NEMP2: variants seen among roughly 807,000 people sequenced by gnomAD.
NEMP2 encodes the protein nuclear envelope integral membrane protein 2.
In NEMP2, 53 loss-of-function variants were observed where a neutral mutation model predicts 54.2. The ratio of observed to expected loss-of-function variants is 0.98; its 90% CI spans 0.78 to 1.23. NEMP2 has a LOEUF of 1.23. NEMP2 is among the 50% of genes most tolerant of loss of function. NEMP2 has a pLI of 0.00. For synonymous variants in NEMP2, 197 were observed against 190.3 expected, an observed-to-expected ratio of 1.04 and a Z score of -0.29; for missense variants, 455 against 511.3, an observed-to-expected ratio of 0.89 and a Z score of 1.06.
chr2:190,478,632 T>C, the NEMP2 span, among the ~76,000 whole-genome samples: 2 of 152,156 alleles, frequency 1.3e-5, no homozygotes, highest in African/African-American at 2.4e-5. Flanking sequence ...AATGATTTCA[T>C]TGGAGGACAA....
At chr2:190,638,662 G>A in the NEMP2 span, among the ~76,000 whole-genome samples, 8 of 152,216 alleles carry the variant, frequency 5.3e-5, no homozygotes, top group South Asian at 6.2e-4. This position sits in a 1 kb window ranked among gnomAD's most constrained non-coding sequence, Gnocchi z 5.7. Context: ...GTATGGGTCT[G>A]AAAGACAGCC....
At chr2:190,468,119 G>A in the NEMP2 span, among the ~76,000 whole-genome samples, 12 of 151,812 alleles carry the variant, frequency 7.9e-5, no homozygotes, top group African/African-American at 2.7e-4. Context: ...TTTTTCCCTA[G>A]CAGAGGGAAA....
the NEMP2 span, among the ~76,000 whole-genome samples, chr2:190,448,693 C>T: frequency 6.6e-6 from 1 of 152,170 alleles, no homozygotes; most frequent in Non-Finnish European, 1.5e-5. Context: ...TCTAAATTCA[C>T]AGTTGCCCTA....
chr2:190,510,231 C>A lies in NEMP2; in HGVS notation c.1130+130G>T, dbSNP rs575984821. On this transcript the variant is annotated intron_variant, in intron 8 of 8. Coordinates refer to ENST00000409150, the MANE Select transcript of NEMP2 (RefSeq NM_001142645.2). This position sits in a 1 kb window ranked among gnomAD's most constrained non-coding sequence, Gnocchi z 5.7. ...CAGTACTGAGAAAAGGGACCTCTGA[C>A]AACTTCCACATCATCTGTTATCCAG... The A allele has an allele frequency of 1.7e-4, 188 of 1,102,362 alleles. No homozygotes were observed. The highest frequency in any genetic ancestry group is 2.1e-4 in the Admixed American group (8 of 37,250). 68.3% of individuals were successfully genotyped at this position (1,102,362 alleles called of 1,614,324 possible).
At chr2:190,546,499 C>T in the NEMP2 span, among the ~76,000 whole-genome samples, 2 of 152,064 alleles carry the variant, frequency 1.3e-5, no homozygotes, top group African/African-American at 4.8e-5. This position sits in a 1 kb window ranked among gnomAD's most constrained non-coding sequence, Gnocchi z 5.1. Context: ...TACTGAGGGA[C>T]GACTATACTT....
the NEMP2 span, among the ~76,000 whole-genome samples, chr2:190,578,256 G>A: frequency 2.0e-5 from 3 of 152,156 alleles, no homozygotes; most frequent in Non-Finnish European, 2.9e-5. This position sits in a 1 kb window ranked among gnomAD's most constrained non-coding sequence, Gnocchi z 4.4. Context: ...TGCAAAGCCT[G>A]GAATGGTTCC....
At chr2:190,606,995 T>C in the NEMP2 span, among the ~76,000 whole-genome samples, 1 of 152,166 alleles carries the variant, frequency 6.6e-6, no homozygotes. Context: ...TGATCCCTGC[T>C]CTGGTGTGCT....
At chr2:190,627,327 G>A in the NEMP2 span, among the ~76,000 whole-genome samples, 1 of 152,182 alleles carries the variant, frequency 6.6e-6, no homozygotes, top group Non-Finnish European at 1.5e-5. This position sits in a 1 kb window ranked among gnomAD's most constrained non-coding sequence, Gnocchi z 4.4. Context: ...CCCCTTCTAG[G>A]AATGCTTTTG....
the NEMP2 span, among the ~76,000 whole-genome samples, chr2:190,630,861 G>A: frequency 6.6e-6 from 1 of 151,914 alleles, no homozygotes; most frequent in Non-Finnish European, 1.5e-5. The surrounding 1 kb of genome is among the most constrained non-coding windows in gnomAD (Gnocchi z 5.5). Flanking sequence ...TCTCAGTGTT[G>A]TTCGAGAAAT....
the NEMP2 span, among the ~76,000 whole-genome samples, chr2:190,570,216 T>C: frequency 6.6e-6 from 1 of 152,232 alleles, no homozygotes; most frequent in Non-Finnish European, 1.5e-5. This position sits in a 1 kb window ranked among gnomAD's most constrained non-coding sequence, Gnocchi z 5.4. Flanking sequence ...TTAGGTAAAG[T>C]CTTGTTCATT....
At chr2:190,541,497 A>G in the NEMP2 span, among the ~76,000 whole-genome samples, 1 of 151,922 alleles carries the variant, frequency 6.6e-6, no homozygotes, top group Non-Finnish European at 1.5e-5. The surrounding 1 kb of genome is among the most constrained non-coding windows in gnomAD (Gnocchi z 5.2). Context: ...TAATTTCTTC[A>G]TTTGTTCATT....
the NEMP2 span, among the ~76,000 whole-genome samples, chr2:190,639,135 C>A: frequency 6.6e-6 from 1 of 152,170 alleles, no homozygotes; most frequent in African/African-American, 2.4e-5. Flanking sequence ...CAAGCCAGCT[C>A]TATATCTATA....
the NEMP2 span, among the ~76,000 whole-genome samples, chr2:190,449,806 C>A: frequency 1.0e-3 from 157 of 151,724 alleles, no homozygotes; most frequent in African/African-American, 3.7e-3. Flanking sequence ...TAGGTGGGAA[C>A]TGAACAATGA....
In NEMP2 at chr2:190,508,951, G is replaced by C. The variant is rs1277066355; in HGVS notation, c.*238C>G. ...TAATGAAAGCCTTCATTCAAGGTAA[G>C]TGGTAGTGGCTGTCACAGAATTTTG... On this transcript the variant is annotated 3_prime_UTR_variant, in exon 9 of 9. Coordinates refer to ENST00000409150, the MANE Select transcript of NEMP2 (RefSeq NM_001142645.2). The surrounding 1 kb of genome is among the most constrained non-coding windows in gnomAD (Gnocchi z 4.3). 2 of 512,430 alleles carry C rather than the reference G, an allele frequency of 3.9e-6. No homozygotes were observed. Among genetic ancestry groups the C allele is most frequent in the Admixed American group, 6.9e-5 (2 of 29,124 alleles). The allele number at this position is 512,430 out of a possible 1,614,324, so 31.7% of individuals were successfully genotyped here.
the NEMP2 span, among the ~76,000 whole-genome samples, chr2:190,547,883 G>A: frequency 6.6e-6 from 1 of 152,160 alleles, no homozygotes. This position sits in a 1 kb window ranked among gnomAD's most constrained non-coding sequence, Gnocchi z 6.2. Flanking sequence ...TTCGATAAAG[G>A]AGGATGGGTT....
At chr2:190,618,535 A>G in the NEMP2 span, among the ~76,000 whole-genome samples, 2 of 152,218 alleles carry the variant, frequency 1.3e-5, no homozygotes, top group African/African-American at 4.8e-5. Context: ...AGCTAGGGAT[A>G]GATGATATTA....
the NEMP2 span, among the ~76,000 whole-genome samples, chr2:190,466,111 C>A: frequency 3.9e-5 from 6 of 152,030 alleles, no homozygotes; most frequent in Middle Eastern, 3.2e-3. Flanking sequence ...CTTGTGCCTG[C>A]TTGTGTCCTA....
downstream of NEMP2, chr2:190,501,883 T>C (rs1386576438): frequency 2.6e-5 from 4 of 152,658 alleles, no homozygotes; most frequent in South Asian, 2.1e-4. Context: ...TGTGTAATTA[T>C]AGAAATAAAG....
chr2:190,585,959 G>A, the NEMP2 span, among the ~76,000 whole-genome samples: 43 of 152,222 alleles, frequency 2.8e-4, 1 homozygote, highest in East Asian at 2.3e-3. This position sits in a 1 kb window ranked among gnomAD's most constrained non-coding sequence, Gnocchi z 5.3. Context: ...TCATAGCTTA[G>A]GTTAATGTCC....
Sources: allele counts gnomAD v4.1 joint callset (sites outside exome capture counted in the v4.1 genomes callset), GRCh38; gene constraint gnomAD v4.1.1; non-coding constraint Gnocchi (gnomAD v3.1); transcripts MANE v1.5; gene names NCBI Gene and HGNC (gene_info 2026-07-23, HGNC 2026-07-21).